The following FAM120A variants were observed in gnomAD, a reference collection of about 807,000 sequenced individuals.
The protein encoded by FAM120A is constitutive coactivator of PPAR-gamma-like protein 1.
Under a neutral mutation model 109.7 loss-of-function variants are expected in FAM120A, and 15 were observed. The ratio of observed to expected loss-of-function variants is 0.14; its 90% confidence interval spans 0.09 to 0.21. The LOEUF (loss-of-function observed/expected upper bound fraction) is 0.21, where lower values mean the gene tolerates loss of function less well. Ranked by LOEUF, FAM120A falls within the 10% of genes least tolerant of loss-of-function variation. The pLI is 1.00. For missense variants in FAM120A, 899 were observed against 1,439.3 expected, an observed-to-expected ratio of 0.62 and a Z score of 6.07; for synonymous variants, 493 against 572.8, an observed-to-expected ratio of 0.86 and a Z score of 1.99.
At chr9:93,524,847 T>G (rs1448424619) in intron 7 of FAM120A, among the ~76,000 whole-genome samples, 3 of 152,200 alleles carry the variant, frequency 2.0e-5, no homozygotes, top group African/African-American at 7.2e-5. Flanking sequence ...GGTCACTGAC[T>G]CTACTTCCCT....
intron 2 of FAM120A, among the ~76,000 whole-genome samples, chr9:93,473,128 A>T (rs1280837319): frequency 6.6e-6 from 1 of 151,270 alleles, no homozygotes; most frequent in Non-Finnish European, 1.5e-5. Context: ...AGCAGTTCTC[A>T]TGCCTCAGCC....
intron 3 of FAM120A, among the ~76,000 whole-genome samples, chr9:93,496,607 T>C: frequency 6.6e-6 from 1 of 152,176 alleles, no homozygotes; most frequent in East Asian, 1.9e-4. Flanking sequence ...TCTCCACATT[T>C]TGAGGACCCT....
intron 3 of FAM120A, among the ~76,000 whole-genome samples, chr9:93,477,242 C>G (rs1000285478): frequency 1.1e-4 from 17 of 152,108 alleles, no homozygotes; most frequent in African/African-American, 4.1e-4. Context: ...GTTTTTCTTC[C>G]TACATTTTAA....
chr9:93,479,080 A>G (rs1858678606), intron 3 of FAM120A, among the ~76,000 whole-genome samples: 1 of 145,510 alleles, frequency 6.9e-6, no homozygotes, highest in Non-Finnish European at 1.5e-5. Context: ...GTTTAAGATT[A>G]GGGTATTGCA....
chr9:93,463,444 C>T (rs1427206808), intron 1 of FAM120A, among the ~76,000 whole-genome samples: 1 of 152,212 alleles, frequency 6.6e-6, no homozygotes, highest in Non-Finnish European at 1.5e-5. Flanking sequence ...TTTTTAGAGG[C>T]ATTGCTGCTA....
chr9:93,509,470 G>A (rs4744250), intron 5 of FAM120A, among the ~76,000 whole-genome samples: 42,571 of 152,180 alleles, frequency 0.28, 7,044 homozygotes, highest in East Asian at 0.44. Flanking sequence ...GAGGTGCTAT[G>A]TAATTTAGCC....
At chr9:93,516,890 T>C (rs921423744) in intron 7 of FAM120A, among the ~76,000 whole-genome samples, 1 of 152,236 alleles carries the variant, frequency 6.6e-6, no homozygotes, top group Admixed American at 6.5e-5. Context: ...TCCCTTTCTT[T>C]AAATTGTCTT....
At chr9:93,529,310 T>G in intron 8 of FAM120A, 43 bp from the exon 9 acceptor site, 2 of 1,494,440 alleles carry the variant, frequency 1.3e-6, no homozygotes, top group Non-Finnish European at 1.8e-6. Flanking sequence ...AATGAAAACA[T>G]GACATACACT....
chr9:93,475,578 A>G (rs1410687792), intron 2 of FAM120A, among the ~76,000 whole-genome samples: 2 of 152,230 alleles, frequency 1.3e-5, no homozygotes, highest in Non-Finnish European at 2.9e-5. Context: ...CAGGCATACG[A>G]ACATTATTAT....
chr9:93,518,905 T>C (rs1033303784), intron 7 of FAM120A, among the ~76,000 whole-genome samples: 1 of 152,214 alleles, frequency 6.6e-6, no homozygotes, highest in Non-Finnish European at 1.5e-5. Context: ...ATAAACTTCC[T>C]TAAAACATTG....
chr9:93,554,120 TACACACACACACACACACACACACACAC>T (rs10672125), intron 12 of FAM120A, among the ~76,000 whole-genome samples: 65 of 87,464 alleles, frequency 7.4e-4, no homozygotes, highest in Admixed American at 2.3e-3. Flanking sequence ...GGCCATTTGA[TACACACACACACACACACACACACACAC>T]ACACACACAC....
chr9:93,513,526 C>T (rs1860433449), intron 5 of FAM120A, among the ~76,000 whole-genome samples: 1 of 152,128 alleles, frequency 6.6e-6, no homozygotes, highest in South Asian at 2.1e-4. Flanking sequence ...TACACACATG[C>T]CAGTCTCATT....
intron 5 of FAM120A, among the ~76,000 whole-genome samples, chr9:93,507,451 G>T (rs1002459978): frequency 1.3e-5 from 2 of 152,190 alleles, no homozygotes; most frequent in Admixed American, 6.5e-5. Context: ...TAGGATCCCG[G>T]TGGAGATGGG....
intron 5 of FAM120A, among the ~76,000 whole-genome samples, chr9:93,501,677 G>C (rs188234708): frequency 3.3e-5 from 5 of 152,312 alleles, no homozygotes; most frequent in African/African-American, 1.2e-4. Flanking sequence ...GGAAGTTTGG[G>C]CAGTGTAGAA....
chr9:93,563,637 C>T (rs1403269821), intron 17 of FAM120A, among the ~76,000 whole-genome samples: 2 of 152,214 alleles, frequency 1.3e-5, no homozygotes, highest in South Asian at 4.1e-4. Context: ...CACAGAGAGC[C>T]ATGTCTTTCA....
Position 93,452,499 on chromosome 9 carries a change from T to C in FAM120A, c.474+110T>C. 1 of 1,545,808 alleles carries C rather than the reference T, an allele frequency of 6.5e-7. No individual in the cohort carries two copies. Among genetic ancestry groups the C allele is most frequent in the South Asian group, 1.2e-5 (1 of 86,534 alleles). ...CCGTGGCGGCGCTGGGGGCAGCGAGTTCCCCCAGCCCTTGCCCGGGATAGC... is the reference window on the plus strand; with the variant it reads ...CCGTGGCGGCGCTGGGGGCAGCGAGCTCCCCCAGCCCTTGCCCGGGATAGC... On this transcript the variant is annotated intron_variant, in intron 1 of 17. Transcript: ENST00000277165. This position sits in a 1 kb window ranked among gnomAD's most constrained non-coding sequence, Gnocchi z 7.0.
rs547958281 is a variant in FAM120A, at chr9:93,460,446, A to T, written c.474+8057A>T. On this transcript the variant is annotated intron_variant, in intron 1 of 17. Coordinates refer to ENST00000277165, the MANE Select transcript of FAM120A (RefSeq NM_014612.5). Reference sequence around the variant, plus strand: ...AACCTCCACCTCCCAGGTTCAAGTGATTGTCCTGCCTCAGCCTCCCAAGTA... The same window carrying T: ...AACCTCCACCTCCCAGGTTCAAGTGTTTGTCCTGCCTCAGCCTCCCAAGTA... 6.6e-5 allele frequency among the ~76,000 whole-genome samples: 10 copies of T among 152,182 alleles called. No individual in the cohort carries two copies. In the East Asian group the frequency reaches 1.9e-3, roughly 29 times the overall value.
chr9:93,525,950 C>CT (rs540998829), intron 7 of FAM120A, among the ~76,000 whole-genome samples: 8 of 152,240 alleles, frequency 5.3e-5, no homozygotes, highest in Admixed American at 1.3e-4. Flanking sequence ...CTTTTTGCAG[C>CT]TTTTTTTCCC....
intron 1 of FAM120A, among the ~76,000 whole-genome samples, chr9:93,466,795 C>G (rs949274233): frequency 6.6e-6 from 1 of 152,190 alleles, no homozygotes; most frequent in Admixed American, 6.5e-5. Flanking sequence ...GAGGTTCATT[C>G]TAGCCTTCTC....
Sources: gnomAD v4.1 joint callset for allele counts (sites outside exome capture counted in the v4.1 genomes callset) on GRCh38, gnomAD v4.1.1 for gene constraint, Gnocchi (gnomAD v3.1) non-coding constraint, MANE v1.5 for transcripts, NCBI Gene and HGNC (gene_info 2026-07-23, HGNC 2026-07-21) for gene names.